Variants in FABP6 observed in about 807,000 individuals in gnomAD.
The protein encoded by FABP6 is fatty acid binding protein 6, also known as gastrotropin.
FABP6 carries 13 observed loss-of-function variants against 14.9 expected under a neutral mutation model. The ratio of observed to expected loss-of-function variants is 0.87; its 90% confidence interval spans 0.57 to 1.39. The LOEUF (loss-of-function observed/expected upper bound fraction) is 1.39, where lower values mean the gene tolerates loss of function less well. FABP6 is among the 40% of genes most tolerant of loss of function. The pLI is 0.00. For synonymous variants in FABP6, 75 were observed against 63.6 expected (o/e 1.18, Z -0.85); for missense variants, 161 against 167.2 (o/e 0.96, Z 0.20).
At chr5:160,227,818 A>ATATGTGTGTG (rs776387001), upstream of FABP6, among the ~76,000 whole-genome samples, 1 of 130,872 alleles carries the variant, frequency 7.6e-6, no homozygotes, top group East Asian at 2.2e-4. Context: ...AAAATCCATG[A>ATATGTGTGTG]CGTGTGTGTG....
intron 1 of FABP6, among the ~76,000 whole-genome samples, chr5:160,231,812 C>G (rs926593109): frequency 6.6e-6 from 1 of 152,194 alleles, no homozygotes; most frequent in African/African-American, 2.4e-5. Context: ...AGGAGCTTCA[C>G]AAACACACTC....
At chr5:160,234,319 C>T (rs1236948801) in intron 2 of FABP6, among the ~76,000 whole-genome samples, 1 of 150,818 alleles carries the variant, frequency 6.6e-6, no homozygotes, top group African/African-American at 2.4e-5. Flanking sequence ...CAGCTCCTCT[C>T]TTGCTGTCCT....
chr5:160,219,408 C>CATAAAA (rs1760085415), intron 3 of FABP6, among the ~76,000 whole-genome samples: 2 of 152,158 alleles, frequency 1.3e-5, no homozygotes, highest in Admixed American at 1.3e-4. Context: ...GGTTCTATTG[C>CATAAAA]CTCATAAAAC....
At chr5:160,201,366 C>T (rs1759635957) in intron 2 of FABP6, among the ~76,000 whole-genome samples, 1 of 100,988 alleles carries the variant, frequency 9.9e-6, no homozygotes, top group South Asian at 3.5e-4. Context: ...TCAAATAAAA[C>T]AAAAATCCCC....
At chr5:160,218,643 T>G (rs1760067562) in intron 3 of FABP6, among the ~76,000 whole-genome samples, 1 of 151,904 alleles carries the variant, frequency 6.6e-6, no homozygotes, top group Admixed American at 6.6e-5. Context: ...GTATTTTTAG[T>G]AGAGACGGGG....
At chr5:160,212,388 T>C (rs919360251) in intron 2 of FABP6, among the ~76,000 whole-genome samples, 3 of 152,106 alleles carry the variant, frequency 2.0e-5, no homozygotes, top group African/African-American at 7.2e-5. Context: ...TCTCCTGACC[T>C]CATGACCTGC....
At chr5:160,237,418 T>C (rs1760541339) in intron 3 of FABP6, among the ~76,000 whole-genome samples, 1 of 152,044 alleles carries the variant, frequency 6.6e-6, no homozygotes, top group Non-Finnish European at 1.5e-5. Context: ...TAAACAAAGT[T>C]GCATGACTAG....
intron 3 of FABP6, among the ~76,000 whole-genome samples, chr5:160,224,261 A>T (rs1433525075): frequency 5.3e-5 from 8 of 151,780 alleles, no homozygotes; most frequent in South Asian, 2.1e-4. Flanking sequence ...AATAAAAATT[A>T]AAAAATAAAA....
At chr5:160,216,694 C>T (rs530870042) in intron 3 of FABP6, among the ~76,000 whole-genome samples, 1 of 152,228 alleles carries the variant, frequency 6.6e-6, no homozygotes, top group Non-Finnish European at 1.5e-5. Flanking sequence ...TAATCAATGA[C>T]TGGTTGTGTA....
chr5:160,231,982 C>T (rs1179671824), intron 1 of FABP6, 116 bp from the exon 2 acceptor site: 4 of 1,203,126 alleles, frequency 3.3e-6, no homozygotes, highest in African/African-American at 3.1e-5. Flanking sequence ...AACCTGCAGG[C>T]TAGCCTATCA....
intron 3 of FABP6, among the ~76,000 whole-genome samples, chr5:160,237,030 A>G (rs2113152231): frequency 6.6e-6 from 1 of 152,268 alleles, no homozygotes; most frequent in South Asian, 2.1e-4. Context: ...AGTGTTGAAA[A>G]ACTGTAAAAA....
At position 160,203,990 on chromosome 5, in the gene FABP6, C is replaced by T. The variant is rs184005572; in HGVS notation, c.51+4833C>T. On this transcript the variant is annotated intron_variant, in intron 2 of 6. Transcript: ENST00000393980. ...TGCTAGAATTACAGGCTTGAGCCAC[C>T]GCGCCCAGCCTCAGACACTATATTT... Among the ~76,000 whole-genome samples the T allele has an allele frequency of 9.9e-4, 150 of 152,114 alleles. 1 individual carries two copies. Among genetic ancestry groups the T allele is most frequent in the South Asian group, 3.5e-3 (17 of 4,822 alleles).
At chr5:160,228,501 G>T (rs1215519435), upstream of FABP6, 1 of 456,312 alleles carries the variant, frequency 2.2e-6, no homozygotes. Flanking sequence ...GGGTAGGCCG[G>T]AGTGATCACG....
At chr5:160,198,947 C>T (rs1170903039) in intron 1 of FABP6, 3 of 708,648 alleles carry the variant, frequency 4.2e-6, no homozygotes, top group Non-Finnish European at 7.2e-6. Flanking sequence ...GTGTCTGGCA[C>T]ACAGTGAGCA....
chr5:160,218,760 C>CT (rs78224307), intron 3 of FABP6, among the ~76,000 whole-genome samples: 2,845 of 139,842 alleles, frequency 0.02, 76 homozygotes, highest in African/African-American at 0.066. Flanking sequence ...TGCGCCTGGC[C>CT]TTTTTTTTTT....
At chr5:160,234,795 G>A in intron 2 of FABP6, 25 bp from the exon 3 acceptor site, 2 of 1,582,730 alleles carry the variant, frequency 1.3e-6, no homozygotes, top group Admixed American at 1.8e-5. Context: ...AACAACCCAG[G>A]CTTAATGTTG....
At chr5:160,210,024 G>A (rs1759853144) in intron 2 of FABP6, among the ~76,000 whole-genome samples, 1 of 152,160 alleles carries the variant, frequency 6.6e-6, no homozygotes. Flanking sequence ...CAGGAGACCC[G>A]ACGTGATCTG....
chr5:160,193,445 T>C (rs1004938334), intron 1 of FABP6, among the ~76,000 whole-genome samples: 1 of 152,112 alleles, frequency 6.6e-6, no homozygotes. Context: ...CCGAGCGGGT[T>C]GCGACTGCTG....
intron 3 of FABP6, among the ~76,000 whole-genome samples, chr5:160,215,046 A>T (rs968040911): frequency 1.3e-5 from 2 of 152,046 alleles, no homozygotes; most frequent in Non-Finnish European, 2.9e-5. Context: ...CTCAAATAAC[A>T]CTGTTCATGT....
Sources: allele counts gnomAD v4.1 joint callset (sites outside exome capture counted in the v4.1 genomes callset), GRCh38; gene constraint gnomAD v4.1.1; transcripts MANE v1.5; gene names NCBI Gene and HGNC (gene_info 2026-07-23, HGNC 2026-07-21).